The following RBPJ variants were observed in gnomAD, a reference collection of about 807,000 sequenced individuals.
RBPJ encodes recombination signal binding protein for immunoglobulin kappa J region.
A neutral mutation model predicts 67.8 loss-of-function variants in RBPJ; 9 were observed. The observed-to-expected ratio is 0.13, with a 90% confidence interval of 0.08 to 0.23. The LOEUF (loss-of-function observed/expected upper bound fraction) is 0.23. Among genes scored for constraint, RBPJ ranks in the 10% least tolerant of loss-of-function variants. RBPJ has a pLI of 1.00. For missense variants in RBPJ, 305 were observed against 595.6 expected, an observed-to-expected ratio of 0.51 and a Z score of 5.08; for synonymous variants, 198 against 203.3, an observed-to-expected ratio of 0.97 and a Z score of 0.22.
intron 1 of RBPJ, among the ~76,000 whole-genome samples, chr4:26,244,637 C>A (rs1177026574): frequency 6.6e-6 from 1 of 151,734 alleles, no homozygotes; most frequent in Non-Finnish European, 1.5e-5. Context: ...TAATTTCTTT[C>A]TTTCTTTTAA....
At chr4:26,398,115 T>A (rs1238022752) in intron 2 of RBPJ, among the ~76,000 whole-genome samples, 1 of 152,142 alleles carries the variant, frequency 6.6e-6, no homozygotes, top group Non-Finnish European at 1.5e-5. Context: ...AAATTCTTGA[T>A]ACAACAAAAA....
chr4:26,132,556 C>T, the RBPJ span, among the ~76,000 whole-genome samples: 1 of 152,112 alleles, frequency 6.6e-6, no homozygotes, highest in Non-Finnish European at 1.5e-5. Context: ...AAGCTGGGAG[C>T]CACTGGGACC....
chr4:26,109,065 C>G, the RBPJ span, among the ~76,000 whole-genome samples: 1 of 151,312 alleles, frequency 6.6e-6, no homozygotes, highest in Non-Finnish European at 1.5e-5. Flanking sequence ...TTAAAAACAC[C>G]AGCAACAAGA....
chr4:26,236,899 C>T (rs1483142746), intron 1 of RBPJ, among the ~76,000 whole-genome samples: 1 of 152,196 alleles, frequency 6.6e-6, no homozygotes, highest in African/African-American at 2.4e-5. Flanking sequence ...TATACTAAGG[C>T]TGGTGCTGAT....
At chr4:26,179,779 A>G (rs1716916631) in intron 1 of RBPJ, among the ~76,000 whole-genome samples, 1 of 152,236 alleles carries the variant, frequency 6.6e-6, no homozygotes, top group South Asian at 2.1e-4. Flanking sequence ...AGGGCTAAAG[A>G]CAAGAACTAG....
chr4:26,122,760 C>A, the RBPJ span, among the ~76,000 whole-genome samples: 1 of 151,828 alleles, frequency 6.6e-6, no homozygotes, highest in Non-Finnish European at 1.5e-5. Context: ...CTGCAAAGAT[C>A]CAGAGAGGGA....
chr4:26,210,700 T>TTTCTGTCTTTCTTTCTTTCCTTCTTTCC (rs1718364823), intron 1 of RBPJ, among the ~76,000 whole-genome samples: 6 of 59,928 alleles, frequency 1.0e-4, no homozygotes, highest in Non-Finnish European at 2.1e-4. Flanking sequence ...TCTTTCTTTC[T>TTTCTGTCTTTCTTTCTTTCCTTCTTTCC]TTCTTTCCTT....
At chr4:26,159,578 CTTCA>C (rs1716040137), upstream of RBPJ, among the ~76,000 whole-genome samples, 1 of 152,194 alleles carries the variant, frequency 6.6e-6, no homozygotes, top group African/African-American at 2.4e-5. Flanking sequence ...AGAAGAATTT[CTTCA>C]TTCAATAAGA....
At position 26,264,291 on chromosome 4, in the gene RBPJ, C is replaced by G. The variant is rs568586985; in HGVS notation, c.-166-98155C>G. On this transcript the variant is annotated intron_variant, in intron 1 of 4. Coordinates refer to the RBPJ transcript ENST00000512351. The surrounding 1 kb of genome is among the most constrained non-coding windows in gnomAD (Gnocchi z 4.1). ...TCAAATCAATGAATACTTATTAATT[C>G]AGATCTTAGTAATTAATTATTATTA... is the stretch of plus-strand genomic sequence containing the variant. 1.3e-5 allele frequency among the ~76,000 whole-genome samples: 2 copies of G among 152,268 alleles called. No individual in the cohort carries two copies. The highest frequency in any genetic ancestry group is 4.8e-5 in the African/African-American group (2 of 41,546).
chr4:26,329,848 C>T (rs1160019633), intron 1 of RBPJ, among the ~76,000 whole-genome samples: 4 of 151,308 alleles, frequency 2.6e-5, no homozygotes, highest in East Asian at 3.9e-4. Context: ...GAGCCGAGAT[C>T]ACGCCACTGC....
chr4:26,192,254 G>T (rs190445136), intron 1 of RBPJ, among the ~76,000 whole-genome samples: 3 of 152,054 alleles, frequency 2.0e-5, no homozygotes, highest in Non-Finnish European at 1.5e-5. Context: ...TGACCTGCCC[G>T]CCTCGACCTC....
At chr4:26,160,887 G>A (rs1445445894), upstream of RBPJ, among the ~76,000 whole-genome samples, 1 of 152,184 alleles carries the variant, frequency 6.6e-6, no homozygotes, top group South Asian at 2.1e-4. Flanking sequence ...GTCTATTGAG[G>A]GGAAAGGGGC....
chr4:26,285,014 G>A (rs190663616), intron 1 of RBPJ, among the ~76,000 whole-genome samples: 198 of 151,974 alleles, frequency 1.3e-3, no homozygotes, highest in African/African-American at 4.3e-3. Flanking sequence ...CCACCACCAC[G>A]CCTGGTTAAT....
At chr4:26,294,083 T>C (rs1721768902) in intron 1 of RBPJ, among the ~76,000 whole-genome samples, 1 of 149,414 alleles carries the variant, frequency 6.7e-6, no homozygotes, top group Admixed American at 6.7e-5. Context: ...TTTTTGTTTT[T>C]GTTTTTGTTT....
At chr4:26,234,143 A>G (rs530888969) in intron 1 of RBPJ, among the ~76,000 whole-genome samples, 1 of 152,360 alleles carries the variant, frequency 6.6e-6, no homozygotes, top group South Asian at 2.1e-4. Context: ...TTAACCCAGA[A>G]TGTTGGATAG....
At chr4:26,249,833 CT>C (rs1291704603) in intron 1 of RBPJ, among the ~76,000 whole-genome samples, 1 of 142,464 alleles carries the variant, frequency 7.0e-6, no homozygotes, top group Non-Finnish European at 1.5e-5. Flanking sequence ...CCAGCCCAGG[CT>C]GGATGCAATG....
At chr4:26,212,423 T>C (rs1718456309) in intron 1 of RBPJ, among the ~76,000 whole-genome samples, 1 of 58,154 alleles carries the variant, frequency 1.7e-5, no homozygotes, top group Non-Finnish European at 3.3e-5. Flanking sequence ...TGCCTTTTTC[T>C]TTTCTTTTCT....
intron 1 of RBPJ, among the ~76,000 whole-genome samples, chr4:26,359,346 T>C: frequency 6.6e-6 from 1 of 152,088 alleles, no homozygotes. Flanking sequence ...ACCATTCCCC[T>C]GTGTTGGAAA....
intron 1 of RBPJ, among the ~76,000 whole-genome samples, chr4:26,304,848 A>T (rs1485203036): frequency 2.0e-5 from 3 of 148,492 alleles, no homozygotes; most frequent in Admixed American, 6.7e-5. Context: ...TTAAATTTTG[A>T]TGAAGTCCAA....
Sources: allele counts gnomAD v4.1 joint callset (sites outside exome capture counted in the v4.1 genomes callset), GRCh38; gene constraint gnomAD v4.1.1; non-coding constraint Gnocchi (gnomAD v3.1); transcripts MANE v1.5; gene names NCBI Gene and HGNC (gene_info 2026-07-23, HGNC 2026-07-21).